The following ATG9B variants were observed in gnomAD, a reference collection of about 807,000 sequenced individuals.
The protein encoded by ATG9B is autophagy related 9B.
ATG9B carries 92 observed loss-of-function variants against 92.9 expected under a neutral mutation model. The ratio of observed to expected loss-of-function variants is 0.99; its 90% CI spans 0.84 to 1.18. The LOEUF (loss-of-function observed/expected upper bound fraction) is 1.18. Ranked by LOEUF, ATG9B falls within the 50% of genes most tolerant of loss-of-function variation. The pLI is 0.00. For missense variants in ATG9B, 1,344 were observed against 1,235.0 expected, an observed-to-expected ratio of 1.09 and a Z score of -1.32; for synonymous variants, 599 against 551.4, an observed-to-expected ratio of 1.09 and a Z score of -1.21.
rs770527558 is a variant in ATG9B at position 151,021,332 on chromosome 7, G to A, written c.822-3C>T. On this transcript the variant is annotated splice_polypyrimidine_tract_variant and splice_region_variant and intron_variant, in intron 4 of 13. Coordinates refer to ENST00000639579, the MANE Select transcript of ATG9B (RefSeq NM_001317056.2). ...CCAGCAGCGGGCTGGAGCGGATCCT[G>A]TATGGGGTTGGGCGGGCAGTGGGGG... 8.1e-6 allele frequency: 13 copies of A among 1,597,696 alleles called. 1 individual carries two copies. In the South Asian group the frequency reaches 1.3e-4, roughly 17 times the overall value.
chr7:151,017,036 C>T lies in ATG9B; in HGVS notation c.2289G>A (p.Leu763=). The change falls in exon 9 of 14, where the codon CTG becomes CTA. Residue 763 remains leucine (L), a splice_region_variant and synonymous_variant. Transcript: ENST00000639579. ...PGVLSNCTSP[L]PEAFLANLFV... is the part of the protein sequence containing the mutation. ...AGGGGAGGCCAGGCTTGGGACTCAC[C>T]AGGGGCGAGGTGCAGTTGCTGAGCA... 6.3e-7 allele frequency: 1 copy of T among 1,583,694 alleles called. No homozygotes were observed. Among genetic ancestry groups the T allele is most frequent in the East Asian group, 2.3e-5 (1 of 43,414 alleles).
At chr7:151,021,471 G>A (rs778510195) in intron 4 of ATG9B, 142 bp from the exon 5 acceptor site, 1 of 1,181,680 alleles carries the variant, frequency 8.5e-7, no homozygotes, top group Non-Finnish European at 1.1e-6. Context: ...CCCGGGGCAG[G>A]GGGTGGGTGC....
chr7:151,023,601 C>G, intron 2 of ATG9B, 86 bp downstream of exon 2: 1 of 1,609,742 alleles, frequency 6.2e-7, no homozygotes. Flanking sequence ...ACCCATGACG[C>G]CCTCACGGAG....
At chr7:151,016,937 G>T in intron 9 of ATG9B, 99 bp downstream of exon 9, 2 of 1,497,050 alleles carry the variant, frequency 1.3e-6, no homozygotes, top group South Asian at 1.3e-5. Flanking sequence ...GGCGGGGGCT[G>T]GTGAGGCAGG....
At position 151,024,390 on chromosome 7, in the gene ATG9B, T is replaced by G. The variant is rs1584935841; in HGVS notation, c.34A>C (p.Arg12=). The change falls in exon 1 of 14, where the codon AGG becomes CGG. Residue 12 remains arginine (R), a synonymous_variant. Transcript: ENST00000639579. The part of the protein sequence containing the change: ...VSRMGWGGRR[R]RLGRWGDLGP... ...AGATCTCCCCACCGCCCCAGCCGCC[T>G]TCTTCTCCCCCCCCAGCCCATTCGG... is the stretch of plus-strand genomic sequence containing the variant. The G allele has an allele frequency of 7.3e-7, 1 of 1,375,728 alleles. No homozygotes were observed. Among genetic ancestry groups the G allele is most frequent in the Non-Finnish European group, 9.4e-7 (1 of 1,059,756 alleles). 85.2% of individuals were successfully genotyped at this position (1,375,728 alleles called of 1,614,324 possible).
chr7:151,024,176 G>A lies in ATG9B; in HGVS notation c.248C>T (p.Ala83Val). Residue 83 changes from alanine to valine, a missense_variant, in exon 1 of 14, where the codon GCT becomes GTT. Transcript: ENST00000639579. ...GAGAGCACTGTGGCAAGACTGAGAA[G>A]CCCCTGTCCCCTGTAGCACTGAGCA... ...PPCSVLQGTG[A>V]SQSCHSALPI... is the part of the protein sequence containing the mutation. 9.7e-6 allele frequency: 15 copies of A among 1,550,394 alleles called. No individual in the cohort carries two copies. The highest frequency in any genetic ancestry group is 1.2e-5 in the Non-Finnish European group (14 of 1,147,530).
Position 151,022,233 on chromosome 7 carries a change from A to G in ATG9B, c.821+812T>C, listed in dbSNP as rs569207508. 1.5e-4 allele frequency among the ~76,000 whole-genome samples: 22 copies of G among 148,478 alleles called. 2 individuals carry two copies. The highest frequency in any genetic ancestry group is 5.1e-4 in the African/African-American group (20 of 39,558). On this transcript the variant is annotated intron_variant, in intron 4 of 13. Coordinates refer to ENST00000639579, the MANE Select transcript of ATG9B (RefSeq NM_001317056.2). The stretch of plus-strand genomic sequence containing the variant: ...GGTGTAGGGATGCTGCAGTGATCAG[A>G]GACAGTCACTGTCTTAGCCTCCTGA...
Position 151,019,288 on chromosome 7 carries a change from C to A in ATG9B, c.1050G>T (p.Arg350=). The part of the protein sequence containing the change: ...QRSGGLCVQP[R]PLTELDIHHR... ...GGTGGATGTCCAGCTCCGTCAGGGG[C>A]CGCGGCTGCACGCACAGGCCCCCGC... The change falls in exon 6 of 14, where the codon CGG becomes CGT. Residue 350 remains arginine (R), a synonymous_variant. Transcript: ENST00000639579. The A allele has an allele frequency of 6.3e-7, 1 of 1,586,992 alleles. No homozygotes were observed.
rs1231208036 is a variant in ATG9B at position 151,016,431 on chromosome 7, CTGG to C, written c.2517_2519del (p.His839del). 6.4e-7 allele frequency: 1 copy of C among 1,551,396 alleles called. No homozygotes were observed. The highest frequency in any genetic ancestry group is 8.7e-7 in the Non-Finnish European group (1 of 1,146,854). On this transcript the variant is annotated inframe_deletion and splice_region_variant, in exon 11 of 14. Transcript: ENST00000639579. The stretch of plus-strand genomic sequence containing the variant: ...CTCCTTTGGGCACCCCTCTACTCAC[CTGG>C]TGCAGGTAGATGACATGGAGACTCA...
Position 151,019,120 on chromosome 7 carries a change from G to T in ATG9B, c.1218C>A (p.Arg406=). The change falls in exon 6 of 14, where the codon CGC becomes CGA. Residue 406 remains arginine (R), a synonymous_variant. Coordinates refer to ENST00000639579, the MANE Select transcript of ATG9B (RefSeq NM_001317056.2). ...CCCCGCGGAAGAGCGAGAAGGGACC[G>T]CGGAAGAGCAGCAGGTCGACATTGA... ...LALNVDLLLF[R]GPFSLFRGGW... The T allele has an allele frequency of 1.3e-6, 2 of 1,535,926 alleles. No homozygotes were observed. The highest frequency in any genetic ancestry group is 2.4e-5 in the South Asian group (2 of 84,070).
downstream of ATG9B, chr7:151,013,596 G>A (rs3918209): frequency 2.2e-3 from 981 of 437,508 alleles, 19 homozygotes; most frequent in South Asian, 0.032. Context: ...TGTTGACACC[G>A]CCCCAGGGCA....
intron 3 of ATG9B, 55 bp from the exon 4 acceptor site, chr7:151,023,261 T>A: frequency 6.2e-7 from 1 of 1,611,716 alleles, no homozygotes; most frequent in Non-Finnish European, 8.5e-7. Flanking sequence ...GACAGCCAGG[T>A]GGGCTCCTGC....
rs1039897933 is a variant in ATG9B, at chr7:151,018,222, C to A, written c.1872+72G>T. ...CATGCCCTCTCCCAGACAGACCCTC[C>A]GCGCAGACAGACCCTCCGCGCAGAC... On this transcript the variant is annotated intron_variant, in intron 7 of 13. Transcript: ENST00000639579. This position sits in a 1 kb window ranked among gnomAD's most constrained non-coding sequence, Gnocchi z 4.7. 4.7e-6 allele frequency: 7 copies of A among 1,486,740 alleles called. No individual in the cohort carries two copies. The Admixed American group carries it at 1.1e-4, about 24-fold the overall frequency. 92.1% of individuals were successfully genotyped at this position (1,486,740 alleles called of 1,614,324 possible).
chr7:151,015,764 A>G, intron 13 of ATG9B, 51 bp from the exon 14 acceptor site: 1 of 1,355,904 alleles, frequency 7.4e-7, no homozygotes, highest in Non-Finnish European at 9.8e-7. Flanking sequence ...TAGATTCCAG[A>G]GATGACCACC....
chr7:151,015,859 C>G, intron 13 of ATG9B, 23 bp downstream of exon 13: 1 of 1,537,998 alleles, frequency 6.5e-7, no homozygotes, highest in Non-Finnish European at 8.8e-7. Flanking sequence ...TTTCTCCCTC[C>G]CCTCACAGGA....
rs1300540375 is a variant in ATG9B at position 151,016,414 on chromosome 7, G to T, written c.2520+17C>A. ...GCCTTCTCTCCACATTTCTCCTTTG[G>T]GCACCCCTCTACTCACCTGGTGCAG... On this transcript the variant is annotated intron_variant, in intron 11 of 13. Coordinates refer to ENST00000639579, the MANE Select transcript of ATG9B (RefSeq NM_001317056.2). The T allele has an allele frequency of 6.5e-7, 1 of 1,549,374 alleles. No individual in the cohort carries two copies.
rs781716140 is a variant in ATG9B, at chr7:151,018,669, G to A, written c.1669C>T (p.His557Tyr). ...VYDEDVLAVE[H>Y]VLTAMTALGV... Reference sequence around the variant, plus strand: ...AGCGCGGTCATGGCGGTGAGCACGTGCTCCACGGCTAGCACGTCCTCGTCG... The same window carrying A: ...AGCGCGGTCATGGCGGTGAGCACGTACTCCACGGCTAGCACGTCCTCGTCG... The change falls in exon 6 of 14, where the codon CAC becomes TAC. Residue 557 changes from histidine (H) to tyrosine (Y), a missense_variant. Coordinates refer to ENST00000639579, the MANE Select transcript of ATG9B (RefSeq NM_001317056.2). The surrounding 1 kb of genome is among the most constrained non-coding windows in gnomAD (Gnocchi z 4.7). 367 of 1,606,888 alleles carry A rather than the reference G, an allele frequency of 2.3e-4. No homozygotes were observed. Among genetic ancestry groups the A allele is most frequent in the Non-Finnish European group, 3.1e-4 (360 of 1,178,822 alleles).
chr7:151,013,297 G>A (rs1487295383), downstream of ATG9B: 3 of 1,614,080 alleles, frequency 1.9e-6, no homozygotes, highest in South Asian at 2.2e-5. Flanking sequence ...CATCTCTACC[G>A]CGACGAGGTG....
Position 151,018,009 on chromosome 7 carries a change from C to G in ATG9B, c.1914G>C (p.Pro638=). The G allele has an allele frequency of 6.2e-7, 1 of 1,601,786 alleles. No individual in the cohort carries two copies. The highest frequency in any genetic ancestry group is 2.2e-5 in the East Asian group (1 of 44,520). ...LEELLSPLLT[P]LFLLFWFRPR... ...GGCGGAACCAGAAAAGCAGAAACAG[C>G]GGGGTGAGGAGCGGGGACAGGAGCT... Residue 638 remains proline (P), a synonymous_variant, in exon 8 of 14, where the codon CCG becomes CCC. Transcript: ENST00000639579. This position sits in a 1 kb window ranked among gnomAD's most constrained non-coding sequence, Gnocchi z 4.7.
Sources: gnomAD v4.1 joint callset for allele counts (sites outside exome capture counted in the v4.1 genomes callset) on GRCh38, gnomAD v4.1.1 for gene constraint, Gnocchi (gnomAD v3.1) non-coding constraint, MANE v1.5 for transcripts, NCBI Gene and HGNC (gene_info 2026-07-23, HGNC 2026-07-21) for gene names.